Variants in FLRT1 observed in about 807,000 individuals in gnomAD.
FLRT1 encodes the protein leucine-rich repeat transmembrane protein FLRT1.
FLRT1 carries 14 observed loss-of-function variants against 30.9 expected under a neutral mutation model. That is an observed-to-expected ratio of 0.45 (90% CI 0.30 to 0.71). The LOEUF is 0.71. Ranked by LOEUF, FLRT1 falls within the 30% of genes least tolerant of loss-of-function variation. The pLI is 0.08. For missense variants in FLRT1, 737 were observed against 949.2 expected (o/e 0.78, Z 2.94); for synonymous variants, 368 against 430.4 (o/e 0.85, Z 1.80).
intron 1 of FLRT1, among the ~76,000 whole-genome samples, chr11:64,055,511 G>T (rs1444775855): frequency 6.6e-6 from 1 of 152,204 alleles, no homozygotes; most frequent in Non-Finnish European, 1.5e-5. Flanking sequence ...CCCCATTAGG[G>T]GGCTAAAGAG....
At chr11:64,093,101 G>A (rs546775123) in intron 1 of FLRT1, among the ~76,000 whole-genome samples, 3 of 152,332 alleles carry the variant, frequency 2.0e-5, no homozygotes, top group South Asian at 4.1e-4. Flanking sequence ...GGGACCCTGG[G>A]CAGGCTCCTG....
At chr11:64,097,902 C>T (rs1261745693) in intron 1 of FLRT1, among the ~76,000 whole-genome samples, 1 of 152,136 alleles carries the variant, frequency 6.6e-6, no homozygotes, top group Non-Finnish European at 1.5e-5. Flanking sequence ...TGGTGGTGCT[C>T]CTGGGAGCAC....
chr11:64,047,449 C>A (rs1172990380), intron 1 of FLRT1, among the ~76,000 whole-genome samples: 1 of 152,264 alleles, frequency 6.6e-6, no homozygotes, highest in Non-Finnish European at 1.5e-5. Flanking sequence ...CGTTTCACCC[C>A]CAGCAGCCGT....
rs181025085 is a variant in FLRT1 at position 64,063,131 on chromosome 11, A to T, written c.-1038+26972A>T. Among the ~76,000 whole-genome samples the T allele has an allele frequency of 4.6e-5, 7 of 152,258 alleles. No homozygotes were observed. In the East Asian group the frequency reaches 1.4e-3, roughly 29 times the overall value. The stretch of plus-strand genomic sequence containing the variant: ...GAACAACGCGGGCAGCAGAGAGGCC[A>T]CCCTATGGTGATCAAAGGCACAGAT... On this transcript the variant is annotated intron_variant, in intron 1 of 2. Coordinates refer to ENST00000682287, the MANE Select transcript of FLRT1 (RefSeq NM_013280.5).
At chr11:64,101,228 T>G (rs1473043446) in intron 1 of FLRT1, among the ~76,000 whole-genome samples, 1 of 151,882 alleles carries the variant, frequency 6.6e-6, no homozygotes, top group African/African-American at 2.4e-5. Context: ...AGGGCATTAG[T>G]GGGCAGTAGT....
At chr11:64,076,451 CGGATGGAT>C (rs34046350) in intron 1 of FLRT1, among the ~76,000 whole-genome samples, 1 of 151,794 alleles carries the variant, frequency 6.6e-6, no homozygotes, top group African/African-American at 2.4e-5. Flanking sequence ...GATGGATGGA[CGGATGGAT>C]GGACGGACGG....
intron 1 of FLRT1, among the ~76,000 whole-genome samples, chr11:64,087,625 C>CCCCGGCCA (rs1348825999): frequency 6.6e-6 from 1 of 152,228 alleles, no homozygotes; most frequent in Non-Finnish European, 1.5e-5. Flanking sequence ...TTGCCCGCGG[C>CCCCGGCCA]CCCAGCCACC....
At position 64,116,886 on chromosome 11, in the gene FLRT1, G is replaced by T; in HGVS notation, c.619G>T (p.Asp207Tyr). Residue 207 changes from aspartate to tyrosine, a missense_variant, in exon 3 of 3, where the codon GAC becomes TAC. By Grantham distance (160) the Asp-to-Tyr change is radical. Coordinates refer to ENST00000682287, the MANE Select transcript of FLRT1 (RefSeq NM_013280.5). ...CACGCTGGAGGAGCTGCGGCTGGAT[G>T]ACAACCGCATCTCCACCATCCCGCT... ...PHTLEELRLD[D>Y]NRISTIPLHA... 6.2e-7 allele frequency: 1 copy of T among 1,611,562 alleles called. No individual in the cohort carries two copies.
At chr11:64,072,405 C>T (rs528016225) in intron 1 of FLRT1, among the ~76,000 whole-genome samples, 69 of 151,620 alleles carry the variant, frequency 4.6e-4, no homozygotes, top group Non-Finnish European at 9.6e-4. Flanking sequence ...ATTAGAAGGT[C>T]AGCTGATCCG....
chr11:64,098,586 G>C (rs1944618866), intron 1 of FLRT1, among the ~76,000 whole-genome samples: 1 of 152,216 alleles, frequency 6.6e-6, no homozygotes, highest in Non-Finnish European at 1.5e-5. Context: ...ATCCTGGTAG[G>C]GGGAAGTCAG....
At chr11:64,056,268 C>T (rs1429177693) in intron 1 of FLRT1, among the ~76,000 whole-genome samples, 1 of 152,146 alleles carries the variant, frequency 6.6e-6, no homozygotes, top group Non-Finnish European at 1.5e-5. Flanking sequence ...GGGAGCTAGG[C>T]CTCAGCCTGT....
At chr11:64,063,043 C>T (rs1032777245) in intron 1 of FLRT1, among the ~76,000 whole-genome samples, 36 of 152,208 alleles carry the variant, frequency 2.4e-4, no homozygotes, top group African/African-American at 8.7e-4. Flanking sequence ...ATAACTTGAG[C>T]AAAAGCACCA....
chr11:64,084,617 C>T (rs1208159549), intron 1 of FLRT1, among the ~76,000 whole-genome samples: 5 of 152,206 alleles, frequency 3.3e-5, no homozygotes, highest in East Asian at 1.9e-4. Flanking sequence ...CTTAGGACAG[C>T]GCCTAGAAGG....
At position 64,118,080 on chromosome 11, in the gene FLRT1, AC is replaced by A; in HGVS notation, c.1815del (p.Lys606ArgfsTer64). The stretch of plus-strand genomic sequence containing the variant: ...AAAGGATGACTATATGGAGTCAGGG[AC>A]CAAGAAGGATAACTCCATCCTGGAA... ...RKKDDYMESGTKKDNSILEIR... is the reference protein window; with the variant it reads ...RKKDDYMESGXKKDNSILEIR... On this transcript the variant is annotated frameshift_variant, in exon 3 of 3. Transcript: ENST00000682287. LOFTEE classifies it high-confidence loss of function. 1 of 1,612,402 alleles carries A rather than the reference AC, an allele frequency of 6.2e-7. No homozygotes were observed. Among genetic ancestry groups the A allele is most frequent in the Non-Finnish European group, 8.5e-7 (1 of 1,178,890 alleles).
intron 1 of FLRT1, among the ~76,000 whole-genome samples, chr11:64,101,697 T>C (rs1044674710): frequency 6.6e-6 from 1 of 152,176 alleles, no homozygotes; most frequent in African/African-American, 2.4e-5. Context: ...CCGGCCGCCC[T>C]CCCGCCGCGT....
At chr11:64,088,495 C>T (rs1321357105) in intron 1 of FLRT1, among the ~76,000 whole-genome samples, 1 of 152,194 alleles carries the variant, frequency 6.6e-6, no homozygotes, top group Non-Finnish European at 1.5e-5. Context: ...TGCCTAGCCT[C>T]CCCTTCCTCA....
chr11:64,118,512 T>C lies in FLRT1; in HGVS notation c.*220T>C. 1 of 489,350 alleles carries C rather than the reference T, an allele frequency of 2.0e-6. No individual in the cohort carries two copies. The highest frequency in any genetic ancestry group is 3.6e-6 in the Non-Finnish European group (1 of 275,444). 30.3% of individuals were successfully genotyped at this position (489,350 alleles called of 1,614,324 possible). A position where few individuals can be genotyped will look rare whatever the true frequency, so the allele number is the denominator to read the frequency against. The stretch of plus-strand genomic sequence containing the variant: ...GAAGGCAGGAGGGGGAATTCGACAT[T>C]GTTGAAGACATAATTTATACCAAGT... On this transcript the variant is annotated 3_prime_UTR_variant, in exon 3 of 3. Coordinates refer to ENST00000682287, the MANE Select transcript of FLRT1 (RefSeq NM_013280.5).
chr11:64,076,281 G>A (rs73498157), intron 1 of FLRT1, among the ~76,000 whole-genome samples: 154 of 152,248 alleles, frequency 1.0e-3, no homozygotes, highest in African/African-American at 3.4e-3. Context: ...ACCCTCCACT[G>A]CATGGGTCAA....
intron 1 of FLRT1, among the ~76,000 whole-genome samples, chr11:64,066,633 T>C (rs1402069930): frequency 6.7e-6 from 1 of 148,294 alleles, no homozygotes; most frequent in Non-Finnish European, 1.5e-5. Context: ...CAAGACCATG[T>C]CTTCAAAAAG....
Sources: allele counts gnomAD v4.1 joint callset (sites outside exome capture counted in the v4.1 genomes callset), GRCh38; gene constraint gnomAD v4.1.1; transcripts MANE v1.5; gene names NCBI Gene and HGNC (gene_info 2026-07-23, HGNC 2026-07-21).